The following TTLL7 variants were observed in gnomAD, a reference collection of about 807,000 sequenced individuals.
TTLL7 encodes the protein tubulin polyglutamylase TTLL7.
In TTLL7, 53 loss-of-function variants were observed where a neutral mutation model predicts 120.2. That is an observed-to-expected ratio of 0.44 (90% CI 0.35 to 0.55). TTLL7 has a LOEUF of 0.55. TTLL7 is among the 20% of genes least tolerant of loss of function. TTLL7 has a pLI of 0.00. For synonymous variants in TTLL7, 353 were observed against 351.7 expected (o/e 1.00, Z -0.04); for missense variants, 803 against 1,054.7 (o/e 0.76, Z 3.31).
At chr1:83,887,074 T>C (rs41293003) in intron 19 of TTLL7, 8,096 of 223,590 alleles carry the variant, frequency 0.036, 179 homozygotes, top group Middle Eastern at 0.079. Flanking sequence ...TGTTTTCTGT[T>C]TGATACATCA....
chr1:83,976,832 G>A (rs1651532748), intron 1 of TTLL7, among the ~76,000 whole-genome samples: 2 of 151,508 alleles, frequency 1.3e-5, no homozygotes, highest in African/African-American at 4.9e-5. Flanking sequence ...CACTAAATCA[G>A]TTGTGGCTTG....
intron 1 of TTLL7, among the ~76,000 whole-genome samples, chr1:83,972,931 T>G (rs1651124638): frequency 6.6e-6 from 1 of 152,120 alleles, no homozygotes; most frequent in African/African-American, 2.4e-5. Context: ...GTTTTCTTAT[T>G]GTTGAGTTTT....
intron 19 of TTLL7, among the ~76,000 whole-genome samples, chr1:83,884,653 C>G (rs1654818619): frequency 7.1e-6 from 1 of 140,834 alleles, no homozygotes; most frequent in South Asian, 2.2e-4. Context: ...TGTTCTCACT[C>G]ATAGGTGGGA....
At chr1:83,920,839 T>C (rs1183897550) in intron 12 of TTLL7, among the ~76,000 whole-genome samples, 1 of 151,962 alleles carries the variant, frequency 6.6e-6, no homozygotes, top group Non-Finnish European at 1.5e-5. Flanking sequence ...TATAACTAAA[T>C]ACAGTCACAG....
At chr1:83,876,696 T>A (rs1354831000) in intron 20 of TTLL7, among the ~76,000 whole-genome samples, 1 of 152,012 alleles carries the variant, frequency 6.6e-6, no homozygotes, top group African/African-American at 2.4e-5. Flanking sequence ...AAAAAATATT[T>A]AAAATTTTAT....
Position 83,964,079 on chromosome 1 carries a change from G to A in TTLL7, c.-176-11692C>T, listed in dbSNP as rs1042722649. On this transcript the variant is annotated intron_variant, in intron 1 of 20. Coordinates refer to ENST00000260505, the MANE Select transcript of TTLL7 (RefSeq NM_024686.6). Reference sequence around the variant, plus strand: ...ACTAGCTACAGAGTTAATTTCTTTGGAAAGAAACAAAATACTAATAGACTT... The same window carrying A: ...ACTAGCTACAGAGTTAATTTCTTTGAAAAGAAACAAAATACTAATAGACTT... Among the ~76,000 whole-genome samples, 9 of 152,128 alleles carry A rather than the reference G, an allele frequency of 5.9e-5. No individual in the cohort carries two copies. In the East Asian group the frequency reaches 1.7e-3, roughly 29 times the overall value.
intron 1 of TTLL7, among the ~76,000 whole-genome samples, chr1:83,968,213 CTGT>C (rs1650659448): frequency 6.6e-6 from 1 of 151,862 alleles, no homozygotes; most frequent in Non-Finnish European, 1.5e-5. Flanking sequence ...TCACAGCTGC[CTGT>C]TGTTGTGATA....
At chr1:83,949,572 C>A (rs980182877) in intron 4 of TTLL7, 1 of 292,884 alleles carries the variant, frequency 3.4e-6, no homozygotes, top group Non-Finnish European at 6.3e-6. Context: ...GTGATCCACC[C>A]GCCTTGGCCT....
At chr1:83,874,769 T>C (rs539330881) in intron 20 of TTLL7, among the ~76,000 whole-genome samples, 1 of 152,086 alleles carries the variant, frequency 6.6e-6, no homozygotes, top group Admixed American at 6.6e-5. Context: ...CTAAATCCAA[T>C]ATGGATTTGG....
chr1:83,976,629 A>G (rs913960659), intron 1 of TTLL7, among the ~76,000 whole-genome samples: 1 of 152,108 alleles, frequency 6.6e-6, no homozygotes, highest in Non-Finnish European at 1.5e-5. Context: ...GCCTAGTCCC[A>G]ACAATACTCT....
chr1:83,993,807 T>C (rs1653220368), intron 1 of TTLL7, among the ~76,000 whole-genome samples: 2 of 152,174 alleles, frequency 1.3e-5, no homozygotes, highest in African/African-American at 4.8e-5. Flanking sequence ...CCAAAACAAT[T>C]CCAATATCTT....
At chr1:83,948,563 G>T in intron 5 of TTLL7, 65 bp downstream of exon 5, 1 of 1,015,826 alleles carries the variant, frequency 9.8e-7, no homozygotes, top group Non-Finnish European at 1.5e-6. Context: ...GTGAAAGATA[G>T]CACTACAGTA....
chr1:83,967,735 T>C (rs534651377), intron 1 of TTLL7, among the ~76,000 whole-genome samples: 1 of 152,196 alleles, frequency 6.6e-6, no homozygotes, highest in East Asian at 1.9e-4. Context: ...ATAATCTAGA[T>C]AGGTTTTCTA....
chr1:83,997,471 T>C (rs1653590284), intron 1 of TTLL7, among the ~76,000 whole-genome samples: 1 of 152,206 alleles, frequency 6.6e-6, no homozygotes, highest in Admixed American at 6.5e-5. Context: ...ACTAATTCAG[T>C]TTCCCACTAT....
chr1:83,912,135 G>A (rs1402517388), intron 14 of TTLL7, among the ~76,000 whole-genome samples: 1 of 152,078 alleles, frequency 6.6e-6, no homozygotes, highest in Non-Finnish European at 1.5e-5. Context: ...CATTGCCCAT[G>A]CTACATTTTA....
intron 1 of TTLL7, among the ~76,000 whole-genome samples, chr1:83,954,874 A>G (rs1571299929): frequency 6.6e-6 from 1 of 152,086 alleles, no homozygotes; most frequent in Non-Finnish European, 1.5e-5. Flanking sequence ...CAAAAAAAAA[A>G]AAAACCAGAA....
At chr1:83,899,683 G>C (rs758232737) in intron 18 of TTLL7, among the ~76,000 whole-genome samples, 2 of 151,720 alleles carry the variant, frequency 1.3e-5, no homozygotes, top group Non-Finnish European at 2.9e-5. Flanking sequence ...CAAATACATC[G>C]CAAGCACAAA....
chr1:83,932,629 A>G (rs1016949495), intron 9 of TTLL7, among the ~76,000 whole-genome samples: 2 of 152,052 alleles, frequency 1.3e-5, no homozygotes, highest in African/African-American at 4.8e-5. Context: ...ATTTCTTTGA[A>G]ATGTATTTTT....
rs150510418 is a variant in TTLL7 at position 83,898,124 on chromosome 1, A to C, written c.2208+5955T>G. On this transcript the variant is annotated intron_variant, in intron 18 of 20. Transcript: ENST00000260505. Reference sequence around the variant, plus strand: ...TTTTAGTTTCTTGGATGCAGTTTCTAGCTTTATAAGACAATAGCACAAGTT... The same window carrying C: ...TTTTAGTTTCTTGGATGCAGTTTCTCGCTTTATAAGACAATAGCACAAGTT... 2.6e-5 allele frequency among the ~76,000 whole-genome samples: 4 copies of C among 152,136 alleles called. No individual in the cohort carries two copies. The East Asian group carries it at 7.8e-4, about 30-fold the overall frequency.
Sources: gnomAD v4.1 joint callset for allele counts (sites outside exome capture counted in the v4.1 genomes callset) on GRCh38, gnomAD v4.1.1 for gene constraint, MANE v1.5 for transcripts, NCBI Gene and HGNC (gene_info 2026-07-23, HGNC 2026-07-21) for gene names.